TRPM7: variants seen among roughly 807,000 people sequenced by gnomAD.
TRPM7 encodes the protein LTRPC ion channel family member 7.
A neutral mutation model predicts 229.7 loss-of-function variants in TRPM7; 134 were observed. The observed-to-expected ratio is 0.58, with a 90% confidence interval of 0.51 to 0.67. The LOEUF is 0.67. TRPM7 is among the 30% of genes least tolerant of loss of function. TRPM7 has a pLI of 0.00. For synonymous variants in TRPM7, 699 were observed against 715.2 expected, an observed-to-expected ratio of 0.98 and a Z score of 0.36; for missense variants, 1,901 against 2,210.0, an observed-to-expected ratio of 0.86 and a Z score of 2.80.
intron 5 of TRPM7, among the ~76,000 whole-genome samples, chr15:50,641,936 G>T (rs60942901): frequency 0.014 from 2,166 of 151,234 alleles, 62 homozygotes; most frequent in African/African-American, 0.051. Context: ...GGAGGTGGAG[G>T]TTGCAGTGAG....
At chr15:50,602,811 G>A (rs2059815997) in intron 21 of TRPM7, among the ~76,000 whole-genome samples, 1 of 152,134 alleles carries the variant, frequency 6.6e-6, no homozygotes, top group African/African-American at 2.4e-5. Context: ...GCTGGCACTA[G>A]GGAAAACACA....
rs10652951 is a variant in TRPM7 at position 50,677,738 on chromosome 15, C to CAAAA, written c.3+8789_3+8792dup. Among the ~76,000 whole-genome samples the CAAAA allele has an allele frequency of 5.8e-3, 219 of 38,004 alleles. 7 individuals are homozygous for CAAAA. The highest frequency in any genetic ancestry group is 0.017 in the African/African-American group (194 of 11,330). 24.9% of individuals were successfully genotyped at this position (38,004 alleles called of 152,430 possible). ...TGGGCAACAGAACAAGACCCCGTAT[C>CAAAA]AAAAAAAAAAAAAAAAAAAAAACAA... On this transcript the variant is annotated intron_variant, in intron 1 of 38. Transcript: ENST00000646667.
At chr15:50,673,346 G>T (rs925676414) in intron 1 of TRPM7, among the ~76,000 whole-genome samples, 1 of 152,140 alleles carries the variant, frequency 6.6e-6, no homozygotes, top group African/African-American at 2.4e-5. Context: ...GTGGTGACTT[G>T]TGAGATTTTG....
chr15:50,623,806 A>C (rs2060485826), intron 12 of TRPM7, among the ~76,000 whole-genome samples: 1 of 152,060 alleles, frequency 6.6e-6, no homozygotes, highest in African/African-American at 2.4e-5. Flanking sequence ...AGAAAAAAAA[A>C]AAGAGAAAAA....
rs201788508 is a variant in TRPM7, at chr15:50,619,769, A to C, written c.1470T>G (p.Phe490Leu). 219 of 1,599,386 alleles carry C rather than the reference A, an allele frequency of 1.4e-4. No homozygotes were observed. Among genetic ancestry groups the C allele is most frequent in the Non-Finnish European group, 1.8e-4 (212 of 1,175,880 alleles). Residue 490 changes from phenylalanine to leucine, a missense_variant, in exon 13 of 39, where the codon TTT (phenylalanine) becomes TTG (leucine). Phe to Leu is a conservative substitution (Grantham distance 22). This residue lies in a region of TRPM7 where 794 missense variants were observed against 881.9 expected (regional missense o/e 0.90). Coordinates refer to ENST00000646667, the MANE Select transcript of TRPM7 (RefSeq NM_017672.6). ...TKQGPTNPML[F>L]HLVRDVKQGN... is the part of the protein sequence containing the mutation. ...CCTGTTTGACGTCTCGAACAAGATGAAACAGCATTGGATTAGTTGGACCTT... is the reference window on the plus strand; with the variant it reads ...CCTGTTTGACGTCTCGAACAAGATGCAACAGCATTGGATTAGTTGGACCTT...
rs181613838 is a variant in TRPM7, at chr15:50,639,584, T to G, written c.536-36A>C. ...AAAAAGTTTATTCATTTTGTTTTTT[T>G]TATTTTCTTAAAGACAGGGTCACCC... On this transcript the variant is annotated intron_variant, in intron 5 of 38. Transcript: ENST00000646667. 9.4e-5 allele frequency: 149 copies of G among 1,592,242 alleles called. No homozygotes were observed. In the African/African-American group the frequency reaches 1.8e-3, roughly 19 times the overall value.
In TRPM7 at chr15:50,574,130, C is replaced by T. The variant is rs1023826114; in HGVS notation, c.5308+144G>A. 3 of 659,794 alleles carry T rather than the reference C, an allele frequency of 4.5e-6. No homozygotes were observed. In the African/African-American group the frequency reaches 5.5e-5, roughly 12 times the overall value. The allele number at this position is 659,794 out of a possible 1,614,324, so 40.9% of individuals were successfully genotyped here. A position where few individuals can be genotyped will look rare whatever the true frequency, so the allele number is the denominator to read the frequency against. On this transcript the variant is annotated intron_variant, in intron 36 of 38. Transcript: ENST00000646667. ...TACTCAAGGCCCTGATGGCTATATG[C>T]TATGACTGTGATTAACTTGCTTTTT...
intron 1 of TRPM7, among the ~76,000 whole-genome samples, chr15:50,670,916 G>A (rs1173534264): frequency 6.6e-6 from 1 of 152,046 alleles, no homozygotes; most frequent in Non-Finnish European, 1.5e-5. Context: ...GCTCTTGCCT[G>A]TAATCTTAGC....
intron 38 of TRPM7, among the ~76,000 whole-genome samples, chr15:50,563,922 C>T (rs1310395786): frequency 1.3e-5 from 2 of 152,042 alleles, no homozygotes; most frequent in South Asian, 2.1e-4. Flanking sequence ...TGCAGTGGCA[C>T]GATCTCGGCT....
intron 2 of TRPM7, among the ~76,000 whole-genome samples, chr15:50,662,611 C>T (rs2061755710): frequency 6.6e-6 from 1 of 151,938 alleles, no homozygotes; most frequent in Non-Finnish European, 1.5e-5. Context: ...CAGTAGATGC[C>T]CAATAGATAC....
At chr15:50,622,851 G>A (rs554058824) in intron 12 of TRPM7, among the ~76,000 whole-genome samples, 12 of 152,058 alleles carry the variant, frequency 7.9e-5, no homozygotes, top group African/African-American at 2.7e-4. Context: ...GTGCCACTGC[G>A]CTCCAGCTTG....
At chr15:50,648,153 T>C (rs1405305341) in intron 4 of TRPM7, among the ~76,000 whole-genome samples, 1 of 32,702 alleles carries the variant, frequency 3.1e-5, no homozygotes, top group African/African-American at 9.1e-5. Context: ...CCAAATACTA[T>C]TGATAATCTG....
chr15:50,635,085 A>C (rs1290701313), intron 7 of TRPM7, among the ~76,000 whole-genome samples: 1 of 152,008 alleles, frequency 6.6e-6, no homozygotes, highest in Non-Finnish European at 1.5e-5. Context: ...TCGGAGACCA[A>C]GATGGACGGA....
intron 28 of TRPM7, among the ~76,000 whole-genome samples, chr15:50,583,883 A>G (rs2140316258): frequency 6.6e-6 from 1 of 152,084 alleles, no homozygotes; most frequent in East Asian, 1.9e-4. Context: ...CAGCTTAGAG[A>G]TTTTCTACAG....
chr15:50,606,803 G>A (rs967701512), intron 20 of TRPM7, among the ~76,000 whole-genome samples: 4 of 152,116 alleles, frequency 2.6e-5, no homozygotes, highest in African/African-American at 7.2e-5. Context: ...CTGGCCTAAA[G>A]ACCTATTTAT....
chr15:50,575,162 G>A, intron 33 of TRPM7, 27 bp from the exon 34 acceptor site: 2 of 1,524,336 alleles, frequency 1.3e-6, no homozygotes, highest in Middle Eastern at 1.8e-4. Context: ...AAAAGTTTAA[G>A]ATTAAATTGT....
chr15:50,685,620 G>T lies in TRPM7; in HGVS notation c.3+911C>A, dbSNP rs114704284. On this transcript the variant is annotated intron_variant, in intron 1 of 38. Transcript: ENST00000646667. ...CAAACTTGCCAGACTCCAGCAGAGG[G>T]AGAGTTGTTTGCATAAAGCCTATCA... Among the ~76,000 whole-genome samples, 399 of 152,334 alleles carry T rather than the reference G, an allele frequency of 2.6e-3. 1 individual carries two copies. The highest frequency in any genetic ancestry group is 9.2e-3 in the African/African-American group (383 of 41,574).
At chr15:50,624,094 G>A in intron 12 of TRPM7, 72 bp downstream of exon 12, 2 of 1,436,910 alleles carry the variant, frequency 1.4e-6, no homozygotes, top group East Asian at 4.6e-5. Context: ...AATAGGAATG[G>A]CTATATTCAG....
rs942608045 is a variant in TRPM7, at chr15:50,682,217, CAA to C, written c.3+4312_3+4313del. ...GGACTGTGACCTGGCAAAAATATGT[CAA>C]GAGTCAAGTCTTGACTTATCAACTT... On this transcript the variant is annotated intron_variant, in intron 1 of 38. Coordinates refer to ENST00000646667, the MANE Select transcript of TRPM7 (RefSeq NM_017672.6). 3.4e-4 allele frequency among the ~76,000 whole-genome samples: 45 copies of C among 131,318 alleles called. 1 individual carries two copies. The highest frequency in any genetic ancestry group is 6.2e-4 in the Non-Finnish European group (39 of 62,420). The allele number at this position is 131,318 out of a possible 152,430, so 86.1% of individuals were successfully genotyped here. A position where few individuals can be genotyped will look rare whatever the true frequency, so the allele number is the denominator to read the frequency against.
Sources: gnomAD v4.1 joint callset for allele counts (sites outside exome capture counted in the v4.1 genomes callset) on GRCh38, gnomAD v4.1.1 for gene constraint, gnomAD v4.1.1 regional missense constraint, MANE v1.5 for transcripts, NCBI Gene and HGNC (gene_info 2026-07-23, HGNC 2026-07-21) for gene names.